Variants in ROBO2 observed in about 807,000 individuals in gnomAD.
ROBO2 encodes the protein roundabout guidance receptor 2, also known as roundabout homolog 2.
In ROBO2, 53 loss-of-function variants were observed where a neutral mutation model predicts 160.8. The observed-to-expected ratio is 0.33, with a 90% CI of 0.26 to 0.41. The LOEUF is 0.41. Ranked by LOEUF, ROBO2 falls within the 10% of genes least tolerant of loss-of-function variation. The pLI, the probability that ROBO2 is intolerant of heterozygous loss-of-function variation, is 1.00. For missense variants in ROBO2, 1,577 were observed against 1,722.4 expected (o/e 0.92, Z 1.49); for synonymous variants, 664 against 611.7 (o/e 1.09, Z -1.26).
intron 2 of ROBO2, among the ~76,000 whole-genome samples, chr3:76,194,353 A>AATATATATAT (rs772196827): frequency 9.4e-4 from 89 of 94,502 alleles, no homozygotes; most frequent in African/African-American, 3.5e-3. Context: ...ATGGTGTGTA[A>AATATATATAT]ATATATATAT....
At chr3:75,987,832 A>G (rs1023552382) in intron 2 of ROBO2, among the ~76,000 whole-genome samples, 4 of 152,038 alleles carry the variant, frequency 2.6e-5, no homozygotes, top group African/African-American at 9.7e-5. Context: ...AATATGGGGT[A>G]TTACATTGAT....
chr3:77,634,953 A>C (rs375222900), exon 24 of ROBO2: 5 of 1,614,058 alleles, frequency 3.1e-6, no homozygotes, highest in Non-Finnish European at 4.2e-6. Flanking sequence ...CCTGAGTCAA[A>C]GTCAGAGGCC....
At chr3:77,239,989 C>A (rs1305746257) in intron 2 of ROBO2, among the ~76,000 whole-genome samples, 4 of 152,194 alleles carry the variant, frequency 2.6e-5, no homozygotes, top group East Asian at 1.9e-4. Flanking sequence ...GATAAAAGTT[C>A]TCCAAGTCCC....
At chr3:76,622,897 G>A (rs547615933) in intron 2 of ROBO2, among the ~76,000 whole-genome samples, 1 of 152,204 alleles carries the variant, frequency 6.6e-6, no homozygotes, top group Non-Finnish European at 1.5e-5. Flanking sequence ...CAAGTCAGGC[G>A]CTGAGGTCCT....
intron 2 of ROBO2, among the ~76,000 whole-genome samples, chr3:76,258,254 T>A (rs1260475573): frequency 1.3e-5 from 2 of 152,030 alleles, no homozygotes; most frequent in Non-Finnish European, 2.9e-5. Context: ...TTAATCTGTA[T>A]ATTTGATATT....
At chr3:76,297,577 A>C (rs1709135902) in intron 2 of ROBO2, among the ~76,000 whole-genome samples, 1 of 151,990 alleles carries the variant, frequency 6.6e-6, no homozygotes, top group Non-Finnish European at 1.5e-5. Context: ...TCCTTTAAAA[A>C]TCTCTTTTTA....
At chr3:76,969,993 A>G (rs1559781181) in intron 2 of ROBO2, among the ~76,000 whole-genome samples, 2 of 152,210 alleles carry the variant, frequency 1.3e-5, no homozygotes, top group African/African-American at 2.4e-5. Context: ...TAAAGCCAAC[A>G]TGGTTCAAAA....
intron 2 of ROBO2, among the ~76,000 whole-genome samples, chr3:76,049,183 A>G (rs1338241211): frequency 6.6e-6 from 1 of 151,528 alleles, no homozygotes; most frequent in African/African-American, 2.4e-5. Flanking sequence ...TTTCCGTTTA[A>G]TCTTAGTGTC....
intron 2 of ROBO2, among the ~76,000 whole-genome samples, chr3:76,106,335 T>C (rs1448765156): frequency 1.3e-5 from 2 of 152,158 alleles, no homozygotes; most frequent in African/African-American, 4.8e-5. Flanking sequence ...TATTATATAT[T>C]TGAACATTCA....
At chr3:76,085,261 A>G (rs1183174224) in intron 2 of ROBO2, among the ~76,000 whole-genome samples, 1 of 152,128 alleles carries the variant, frequency 6.6e-6, no homozygotes, top group Non-Finnish European at 1.5e-5. Context: ...TCTCAAAGAC[A>G]CCTTTAACAA....
rs539739855 is a variant in ROBO2, at chr3:76,667,794, AAGAT to A, written c.110-430216_110-430213del. On this transcript the variant is annotated intron_variant, in intron 2 of 26. Coordinates refer to the ROBO2 transcript ENST00000487694. ...AATAATTTTTCTTATTATCTAATAA[AAGAT>A]AGAAAATGTTCAATATTTCATAAGA... Among the ~76,000 whole-genome samples the A allele has an allele frequency of 3.0e-4, 45 of 150,414 alleles. No individual in the cohort carries two copies. In the South Asian group the frequency reaches 5.7e-3, roughly 19 times the overall value.
chr3:77,458,812 A>G (rs960968154), intron 2 of ROBO2, among the ~76,000 whole-genome samples: 7 of 152,178 alleles, frequency 4.6e-5, no homozygotes, highest in African/African-American at 1.7e-4. Flanking sequence ...AGGTTAAGGA[A>G]TTGTAAAATA....
intron 2 of ROBO2, among the ~76,000 whole-genome samples, chr3:76,148,738 C>A (rs2072022562): frequency 6.6e-6 from 1 of 152,074 alleles, no homozygotes; most frequent in Non-Finnish European, 1.5e-5. Flanking sequence ...TCCCTTGAAT[C>A]ATAAGACACT....
chr3:76,306,757 A>G (rs2071354628), intron 2 of ROBO2, among the ~76,000 whole-genome samples: 1 of 152,236 alleles, frequency 6.6e-6, no homozygotes, highest in Non-Finnish European at 1.5e-5. Context: ...GGCTTAATGT[A>G]TAGGTTTTAA....
intron 2 of ROBO2, among the ~76,000 whole-genome samples, chr3:76,390,946 A>G (rs1045519662): frequency 1.3e-5 from 2 of 152,186 alleles, no homozygotes; most frequent in African/African-American, 4.8e-5. Flanking sequence ...AAAACAAGGT[A>G]ATTTTGTTGT....
intron 2 of ROBO2, among the ~76,000 whole-genome samples, chr3:76,093,159 G>A (rs983252387): frequency 2.3e-4 from 35 of 151,912 alleles, no homozygotes; most frequent in African/African-American, 8.0e-4. Flanking sequence ...TGTTTCTGTT[G>A]TCTTTATGTG....
chr3:76,357,345 A>T (rs2075234527), intron 2 of ROBO2, among the ~76,000 whole-genome samples: 1 of 151,906 alleles, frequency 6.6e-6, no homozygotes. Context: ...TCCTCATACA[A>T]TCAAATACTA....
chr3:76,037,128 G>A (rs1349049806), intron 2 of ROBO2, among the ~76,000 whole-genome samples: 1 of 151,734 alleles, frequency 6.6e-6, no homozygotes, highest in East Asian at 1.9e-4. Context: ...AATCCTAGCT[G>A]TAAATCCTAT....
intron 2 of ROBO2, among the ~76,000 whole-genome samples, chr3:76,547,538 A>G (rs1225902591): frequency 6.6e-6 from 1 of 152,092 alleles, no homozygotes; most frequent in Non-Finnish European, 1.5e-5. Flanking sequence ...TGAAATTTCA[A>G]GTTATAGATG....
Sources: allele counts gnomAD v4.1 joint callset (sites outside exome capture counted in the v4.1 genomes callset), GRCh38; gene constraint gnomAD v4.1.1; transcripts MANE v1.5; gene names NCBI Gene and HGNC (gene_info 2026-07-23, HGNC 2026-07-21).